The following FANCI variants were observed in gnomAD, a reference collection of about 807,000 sequenced individuals.
The protein encoded by FANCI is FA complementation group I.
In FANCI, 156 loss-of-function variants were observed where a neutral mutation model predicts 176.1. That is an observed-to-expected ratio of 0.89 (90% CI 0.78 to 1.01). The LOEUF (loss-of-function observed/expected upper bound fraction) is 1.01, where lower values mean the gene tolerates loss of function less well. FANCI is among the 50% of genes least tolerant of loss of function. FANCI has a pLI of 0.00. For synonymous variants in FANCI, 613 were observed against 541.7 expected (o/e 1.13, Z -1.83); for missense variants, 1,678 against 1,534.1 (o/e 1.09, Z -1.57).
intron 1 of FANCI, 31 bp from the exon 2 acceptor site, chr15:89,247,598 T>G: frequency 1.4e-6 from 2 of 1,478,230 alleles, no homozygotes; most frequent in Non-Finnish European, 1.9e-6. Flanking sequence ...TTCTGGAATC[T>G]TCACCCACCT....
intron 2 of FANCI, among the ~76,000 whole-genome samples, chr15:89,251,399 C>T (rs557580465): frequency 1.1e-4 from 17 of 152,224 alleles, no homozygotes; most frequent in South Asian, 8.3e-4. Flanking sequence ...GGTAGATAGT[C>T]CTAATGCTAC....
chr15:89,303,724 ATATT>A (rs1390250714), intron 27 of FANCI, 136 bp from the exon 28 acceptor site: 3 of 686,382 alleles, frequency 4.4e-6, no homozygotes, highest in African/African-American at 3.6e-5. Context: ...CCTTCATCAT[ATATT>A]ACCACTTGAG....
chr15:89,297,361 C>T (rs1212155975), intron 24 of FANCI, among the ~76,000 whole-genome samples: 2 of 152,056 alleles, frequency 1.3e-5, no homozygotes, highest in Admixed American at 1.3e-4. Flanking sequence ...GACGGGGTGG[C>T]GGCTGGGCAG....
At chr15:89,279,965 A>G (rs968594078) in intron 14 of FANCI, among the ~76,000 whole-genome samples, 2 of 152,212 alleles carry the variant, frequency 1.3e-5, no homozygotes, top group Non-Finnish European at 2.9e-5. Context: ...TATTCCTAAA[A>G]TACCACCTTA....
In FANCI at chr15:89,305,152, C is replaced by T. The variant is rs2151913106; in HGVS notation, c.3096C>T (p.Leu1032=). The change falls in exon 29 of 38, where the codon CTC becomes CTT. Residue 1032 remains leucine (L), a synonymous_variant. Transcript: ENST00000310775. ...ALFCKSLMNL[L]FSLHVSYKSP... ...TTTGCAAGAGCTTGATGAACTTGCT[C>T]TTCAGCCTGCATGTTTCGTATAAGA... The T allele has an allele frequency of 4.3e-6, 7 of 1,614,190 alleles. No individual in the cohort carries two copies. The highest frequency in any genetic ancestry group is 5.1e-6 in the Non-Finnish European group (6 of 1,180,030).
chr15:89,267,181 G>A (rs1379755977), intron 9 of FANCI, among the ~76,000 whole-genome samples: 1 of 151,956 alleles, frequency 6.6e-6, no homozygotes, highest in Non-Finnish European at 1.5e-5. Context: ...ATAGCCAGGC[G>A]CAGTGGCTCA....
At position 89,307,615 on chromosome 15, in the gene FANCI, G is replaced by A. The variant is rs986193169; in HGVS notation, c.3594G>A (p.Val1198=). Residue 1198 remains valine, a splice_region_variant and synonymous_variant, in exon 34 of 38, where the codon GTG becomes GTA. Transcript: ENST00000310775. The part of the protein sequence containing the change: ...GGIPKNMEKL[V]KLSGSHLTPL... ...TTTCCTTCTCCCTTGTTGTGCAGGT[G>A]AAGCTGTCTGGTTCTCATCTGACCC... The A allele has an allele frequency of 1.2e-6, 2 of 1,614,076 alleles. No homozygotes were observed. Among genetic ancestry groups the A allele is most frequent in the Admixed American group, 3.3e-5 (2 of 60,004 alleles).
At chr15:89,250,421 A>G (rs2052190003) in intron 2 of FANCI, among the ~76,000 whole-genome samples, 1 of 152,140 alleles carries the variant, frequency 6.6e-6, no homozygotes, top group Non-Finnish European at 1.5e-5. Flanking sequence ...GGAAGCCATC[A>G]TTCTCAGCAA....
intron 2 of FANCI, among the ~76,000 whole-genome samples, chr15:89,250,805 ATAC>A (rs1028822505): frequency 8.6e-5 from 13 of 151,560 alleles, no homozygotes; most frequent in African/African-American, 3.1e-4. Context: ...GATAACAAAA[ATAC>A]TACATGTTAA....
intron 18 of FANCI, among the ~76,000 whole-genome samples, chr15:89,289,751 A>G (rs576053234): frequency 2.0e-4 from 29 of 148,152 alleles, no homozygotes; most frequent in Non-Finnish European, 3.4e-4. Context: ...GTTTTGCTCT[A>G]TTGCCCAGGC....
At chr15:89,247,831 A>C in intron 2 of FANCI, 100 bp downstream of exon 2, 1 of 892,298 alleles carries the variant, frequency 1.1e-6, no homozygotes. Flanking sequence ...TTCTTCATCT[A>C]CTCCCCATTC....
rs78268546 is a variant in FANCI, at chr15:89,312,743, C to T, written c.3652-161C>T. On this transcript the variant is annotated intron_variant, in intron 34 of 37. Coordinates refer to ENST00000310775, the MANE Select transcript of FANCI (RefSeq NM_001113378.2). Reference sequence around the variant, plus strand: ...GCTGAGGCACAAGAATCACTTAACTCGGGGCGCAGAGGTTACAGTGGGTCG... The same window carrying T: ...GCTGAGGCACAAGAATCACTTAACTTGGGGCGCAGAGGTTACAGTGGGTCG... Among the ~76,000 whole-genome samples the T allele has an allele frequency of 6.4e-3, 969 of 151,528 alleles. 3 individuals are homozygous for T. The highest frequency in any genetic ancestry group is 0.022 in the African/African-American group (904 of 41,260).
chr15:89,307,612 G>A lies in FANCI; in HGVS notation c.3592-1G>A. 1 of 1,614,168 alleles carries A rather than the reference G, an allele frequency of 6.2e-7. No homozygotes were observed. Among genetic ancestry groups the A allele is most frequent in the Non-Finnish European group, 8.5e-7 (1 of 1,180,040 alleles). The stretch of plus-strand genomic sequence containing the variant: ...TGGTTTCCTTCTCCCTTGTTGTGCA[G>A]GTGAAGCTGTCTGGTTCTCATCTGA... On this transcript the variant is annotated splice_acceptor_variant, in intron 33 of 37. Transcript: ENST00000310775. LOFTEE classifies it high-confidence loss of function.
chr15:89,294,039 GGATCGTAT>G, intron 23 of FANCI, 42 bp downstream of exon 23: 1 of 1,605,670 alleles, frequency 6.2e-7, no homozygotes, highest in African/African-American at 1.3e-5. Flanking sequence ...CACTCCCTGA[GGATCGTAT>G]ACCTACCTAG....
rs543431700 is a variant in FANCI at position 89,286,977 on chromosome 15, C to CTTT, written c.1821+1778_1821+1780dup. Reference sequence around the variant, plus strand: ...TCAGCATTTGCTGCTTCACCTTGCACTTTTTTTTTTTTTTTTTTTTTGAGT... The same window carrying CTTT: ...TCAGCATTTGCTGCTTCACCTTGCACTTTTTTTTTTTTTTTTTTTTTTTTGAGT... On this transcript the variant is annotated intron_variant, in intron 18 of 37. Coordinates refer to ENST00000310775, the MANE Select transcript of FANCI (RefSeq NM_001113378.2). 1.3e-4 allele frequency among the ~76,000 whole-genome samples: 11 copies of CTTT among 86,032 alleles called. 2 individuals carry two copies. Among genetic ancestry groups the CTTT allele is most frequent in the African/African-American group, 3.8e-4 (8 of 21,178 alleles). The allele number at this position is 86,032 out of a possible 152,430, so 56.4% of individuals were successfully genotyped here. A position where few individuals can be genotyped will look rare whatever the true frequency, so the allele number is the denominator to read the frequency against.
chr15:89,282,660 G>A (rs772298066), intron 16 of FANCI: 4 of 223,882 alleles, frequency 1.8e-5, no homozygotes, highest in Non-Finnish European at 3.6e-5. Flanking sequence ...ATATTACGTT[G>A]TAACATCTTT....
At chr15:89,245,662 G>A (rs1406003250) in intron 1 of FANCI, 2 of 152,086 alleles carry the variant, frequency 1.3e-5, no homozygotes, top group Non-Finnish European at 2.9e-5. Context: ...GAGATTTGAA[G>A]GACTGGAAGC....
At chr15:89,305,301 C>T in intron 29 of FANCI, 40 bp from the exon 30 acceptor site, 1 of 1,614,150 alleles carries the variant, frequency 6.2e-7, no homozygotes, top group Non-Finnish European at 8.5e-7. Flanking sequence ...AAGGGAACAA[C>T]CTTACTGTCA....
In FANCI at chr15:89,285,089, C is replaced by G; in HGVS notation, c.1699-7C>G. On this transcript the variant is annotated splice_region_variant and splice_polypyrimidine_tract_variant and intron_variant, in intron 17 of 37. Transcript: ENST00000310775. ...GATAGACGTGAATTGGCCTGTCTTC[C>G]TTTCAGGTTCATGTGGATGTTCACA... 1.2e-6 allele frequency: 2 copies of G among 1,613,992 alleles called. No individual in the cohort carries two copies. Among genetic ancestry groups the G allele is most frequent in the Non-Finnish European group, 1.7e-6 (2 of 1,179,942 alleles).
Sources: allele counts gnomAD v4.1 joint callset (sites outside exome capture counted in the v4.1 genomes callset), GRCh38; gene constraint gnomAD v4.1.1; transcripts MANE v1.5; gene names NCBI Gene and HGNC (gene_info 2026-07-23, HGNC 2026-07-21).